The following RNF123 variants were observed in gnomAD, a reference collection of about 807,000 sequenced individuals.
RNF123 encodes E3 ubiquitin-protein ligase RNF123.
RNF123 carries 86 observed loss-of-function variants against 168.5 expected under a neutral mutation model. The observed-to-expected ratio is 0.51, with a 90% CI of 0.43 to 0.61. The LOEUF is 0.61. Among genes scored for constraint, RNF123 ranks in the 20% least tolerant of loss-of-function variants. RNF123 has a pLI of 0.00. For missense variants in RNF123, 1,419 were observed against 1,729.7 expected (o/e 0.82, Z 3.19); for synonymous variants, 666 against 689.1 (o/e 0.97, Z 0.52).
Position 49,699,849 on chromosome 3 carries a change from C to G in RNF123, c.984+77C>G. 6 of 1,422,406 alleles carry G rather than the reference C, an allele frequency of 4.2e-6. No homozygotes were observed. Among genetic ancestry groups the G allele is most frequent in the East Asian group, 2.3e-5 (1 of 43,208 alleles). 88.1% of individuals were successfully genotyped at this position (1,422,406 alleles called of 1,614,324 possible). On this transcript the variant is annotated intron_variant, in intron 12 of 38. Coordinates refer to ENST00000327697, the MANE Select transcript of RNF123 (RefSeq NM_022064.5). This position sits in a 1 kb window ranked among gnomAD's most constrained non-coding sequence, Gnocchi z 4.8. ...CACGCCCGTGGTAGATGTGCCCTCA[C>G]TGAGGGCTGCAGTGCTGAGGTCCCA... is the stretch of plus-strand genomic sequence containing the variant.
Position 49,691,441 on chromosome 3 carries a change from G to A in RNF123, c.99G>A (p.Lys33=). The A allele has an allele frequency of 6.2e-7, 1 of 1,614,214 alleles. No homozygotes were observed. Among genetic ancestry groups the A allele is most frequent in the Non-Finnish European group, 8.5e-7 (1 of 1,180,024 alleles). Residue 33 remains lysine, a synonymous_variant, in exon 3 of 39, where the codon AAG becomes AAA. Coordinates refer to ENST00000327697, the MANE Select transcript of RNF123 (RefSeq NM_022064.5). ...GTGGCTCAGGCATTGTGCAGGAGAAGCTGCTGAATGACTACCTGAACCGCA... is the reference window on the plus strand; with the variant it reads ...GTGGCTCAGGCATTGTGCAGGAGAAACTGCTGAATGACTACCTGAACCGCA... ...KSRVTGIVQE[K]LLNDYLNRIF... is the part of the protein sequence containing the mutation.
At chr3:49,702,793 G>A in intron 20 of RNF123, 40 bp downstream of exon 20, 9 of 1,613,414 alleles carry the variant, frequency 5.6e-6, no homozygotes, top group Non-Finnish European at 7.6e-6. Context: ...AGGCTGGACA[G>A]AGCCAGGCGT....
chr3:49,700,605 C>T lies in RNF123; in HGVS notation c.1204-31C>T, dbSNP rs760775450. ...CCTGCCCTGAGCCCCCTGGGACTCG[C>T]CTGTCCACTCTGAACGCCCCCTCTC... On this transcript the variant is annotated intron_variant, in intron 14 of 38. Coordinates refer to ENST00000327697, the MANE Select transcript of RNF123 (RefSeq NM_022064.5). The T allele has an allele frequency of 1.5e-5, 24 of 1,614,054 alleles. No individual in the cohort carries two copies. The South Asian group carries it at 1.9e-4, about 13-fold the overall frequency.
intron 3 of RNF123, among the ~76,000 whole-genome samples, chr3:49,693,821 C>T (rs1257084543): frequency 3.9e-5 from 6 of 152,112 alleles, no homozygotes; most frequent in South Asian, 2.1e-4. Flanking sequence ...GATGATATCT[C>T]GTAGTTTTGA....
chr3:49,712,803 CA>C (rs1410938072), intron 27 of RNF123, 147 bp downstream of exon 27: 2 of 918,962 alleles, frequency 2.2e-6, no homozygotes, highest in African/African-American at 3.3e-5. Context: ...GTTCACCCTG[CA>C]GCAAACAAAC....
In RNF123 at chr3:49,716,166, T is replaced by A; in HGVS notation, c.3404T>A (p.Leu1135Gln). Reference sequence around the variant, plus strand: ...AACCTGTTTGATCGTGTGGTCACCCTACGGCTGCCTGGTGAGGACCTAGAT... The same window carrying A: ...AACCTGTTTGATCGTGTGGTCACCCAACGGCTGCCTGGTGAGGACCTAGAT... ...ERNLFDRVVT[L>Q]RLPGLESVDH... is the part of the protein sequence containing the mutation. Residue 1135 changes from leucine to glutamine, a missense_variant, in exon 34 of 39, where the codon CTA becomes CAA. Physicochemically the swap from Leu to Gln is moderately radical, Grantham distance 113. This residue lies in a region of RNF123 where 164 missense variants were observed against 152.3 expected (regional missense o/e 1.08). Coordinates refer to ENST00000327697, the MANE Select transcript of RNF123 (RefSeq NM_022064.5). 1 of 1,613,550 alleles carries A rather than the reference T, an allele frequency of 6.2e-7. No homozygotes were observed. Among genetic ancestry groups the A allele is most frequent in the East Asian group, 2.2e-5 (1 of 44,848 alleles).
chr3:49,702,175 C>T (rs1278641414), intron 18 of RNF123, 31 bp downstream of exon 18: 2 of 1,610,728 alleles, frequency 1.2e-6, no homozygotes, highest in Non-Finnish European at 1.7e-6. Context: ...CTGGGTGGGG[C>T]CCTGTGGGGA....
chr3:49,690,015 G>T (rs2054094005), intron 1 of RNF123, among the ~76,000 whole-genome samples: 1 of 152,244 alleles, frequency 6.6e-6, no homozygotes, highest in Non-Finnish European at 1.5e-5. Context: ...CAACTACTCT[G>T]GTAGTGAAGG....
intron 3 of RNF123, among the ~76,000 whole-genome samples, chr3:49,694,183 T>A (rs1312633532): frequency 6.6e-6 from 1 of 152,238 alleles, no homozygotes; most frequent in African/African-American, 2.4e-5. Flanking sequence ...CACCTTCAGT[T>A]CTTTTCTTAA....
chr3:49,689,570 G>C lies in RNF123; in HGVS notation c.-73G>C, dbSNP rs2054063027. 1 of 152,402 alleles carries C rather than the reference G, an allele frequency of 6.6e-6. No homozygotes were observed. Among genetic ancestry groups the C allele is most frequent in the Non-Finnish European group, 1.5e-5 (1 of 68,158 alleles). 9.4% of individuals were successfully genotyped at this position (152,402 alleles called of 1,614,324 possible). On this transcript the variant is annotated 5_prime_UTR_variant, in exon 1 of 39. Transcript: ENST00000327697. Reference sequence around the variant, plus strand: ...GACGCCGTAGCCAAGAGGTTGGGCGGATGTTGTGAGCCGGGTCGCTGCGGC... The same window carrying C: ...GACGCCGTAGCCAAGAGGTTGGGCGCATGTTGTGAGCCGGGTCGCTGCGGC...
intron 35 of RNF123, chr3:49,717,948 A>C (rs747098644): frequency 8.1e-6 from 13 of 1,609,648 alleles, no homozygotes; most frequent in Middle Eastern, 1.7e-4. Flanking sequence ...AGCCCTGGGC[A>C]GTCTAGGTTG....
At position 49,702,510 on chromosome 3, in the gene RNF123, C is replaced by T. The variant is rs1559676784; in HGVS notation, c.1629+105C>T. The T allele has an allele frequency of 3.7e-6, 6 of 1,604,408 alleles. No homozygotes were observed. In the African/African-American group the frequency reaches 8.0e-5, roughly 21 times the overall value. The stretch of plus-strand genomic sequence containing the variant: ...GGACTGCCTCATCCCTGCCTAGCCC[C>T]AAGCTTTTCTCTGCTGCTTTTCCCT... On this transcript the variant is annotated intron_variant, in intron 19 of 38. Transcript: ENST00000327697.
rs1016016590 is a variant in RNF123 at position 49,697,533 on chromosome 3, T to G, written c.342+76T>G. 4.2e-6 allele frequency: 5 copies of G among 1,187,776 alleles called. No homozygotes were observed. In the Admixed American group the frequency reaches 1.3e-4, roughly 30 times the overall value. 73.6% of individuals were successfully genotyped at this position (1,187,776 alleles called of 1,614,324 possible). Reference sequence around the variant, plus strand: ...CCCCAGGCTCCTCCTGATGTGGCCCTAGTCTCTCTACTCATCTGATGGGGC... The same window carrying G: ...CCCCAGGCTCCTCCTGATGTGGCCCGAGTCTCTCTACTCATCTGATGGGGC... On this transcript the variant is annotated intron_variant, in intron 5 of 38. Transcript: ENST00000327697.
chr3:49,718,971 G>C, intron 35 of RNF123: 1 of 1,613,822 alleles, frequency 6.2e-7, no homozygotes. Flanking sequence ...GTTCGTTGCA[G>C]CCCAGGTAGA....
At chr3:49,701,992 G>T in intron 17 of RNF123, 82 bp downstream of exon 17, 1 of 1,549,228 alleles carries the variant, frequency 6.5e-7, no homozygotes, top group Non-Finnish European at 8.8e-7. Context: ...TGTCTAGGTG[G>T]GACTTGGGGA....
At chr3:49,720,706 G>T in intron 36 of RNF123, 53 bp downstream of exon 36, 1 of 1,602,082 alleles carries the variant, frequency 6.2e-7, no homozygotes, top group Non-Finnish European at 8.5e-7. Context: ...GTCGGGTCAG[G>T]AGCCTTAAGA....
At chr3:49,701,786 T>C (rs1423708034) in intron 16 of RNF123, 25 bp from the exon 17 acceptor site, 1 of 1,557,802 alleles carries the variant, frequency 6.4e-7, no homozygotes, top group East Asian at 2.4e-5. Flanking sequence ...GACCCTGCTG[T>C]ATTCCACCTG....
Position 49,706,860 on chromosome 3 carries a change from C to G in RNF123, c.2458C>G (p.Arg820Gly), listed in dbSNP as rs758273359. ...CTCAGAAAAGCTGGACCACCTGAGC[C>G]GCCGTCTTGCCTGGGTCCATGCCAC... ...VFSEKLDHLS[R>G]RLAWVHATVY... is the part of the protein sequence containing the mutation. Residue 820 changes from arginine to glycine, a missense_variant, in exon 26 of 39, where the codon CGC becomes GGC. By Grantham distance (125) the Arg-to-Gly change is moderately radical (BLOSUM62 -2). Around this residue, in one of 5 missense-constraint regions of RNF123, gnomAD observed 538 missense variants for 708.8 expected, o/e 0.76. Coordinates refer to ENST00000327697, the MANE Select transcript of RNF123 (RefSeq NM_022064.5). The G allele has an allele frequency of 4.3e-6, 7 of 1,614,156 alleles. No homozygotes were observed. The highest frequency in any genetic ancestry group is 5.9e-6 in the Non-Finnish European group (7 of 1,180,016).
At chr3:49,702,940 G>A (rs963538424) in intron 20 of RNF123, among the ~76,000 whole-genome samples, 187 bp downstream of exon 20, 8 of 152,190 alleles carry the variant, frequency 5.3e-5, no homozygotes, top group African/African-American at 1.9e-4. Flanking sequence ...GCCCTGCACC[G>A]CAGGCCTGCC....
Sources: gnomAD v4.1 joint callset for allele counts (sites outside exome capture counted in the v4.1 genomes callset) on GRCh38, gnomAD v4.1.1 for gene constraint, gnomAD v4.1.1 regional missense constraint, Gnocchi (gnomAD v3.1) non-coding constraint, MANE v1.5 for transcripts, NCBI Gene and HGNC (gene_info 2026-07-23, HGNC 2026-07-21) for gene names.